PDE11A: variants seen among roughly 807,000 people sequenced by gnomAD.
PDE11A encodes the protein phosphodiesterase 11A.
Under a neutral mutation model 100.5 loss-of-function variants are expected in PDE11A, and 100 were observed. That is an observed-to-expected ratio of 1.00 (90% CI 0.85 to 1.18). The LOEUF (loss-of-function observed/expected upper bound fraction) is 1.18, where lower values mean the gene tolerates loss of function less well. Among genes scored for constraint, PDE11A ranks in the 50% most tolerant of loss-of-function variants. The pLI, the probability that PDE11A is intolerant of heterozygous loss-of-function variation, is 0.00. For synonymous variants in PDE11A, 381 were observed against 420.8 expected (o/e 0.91, Z 1.16); for missense variants, 1,141 against 1,152.6 (o/e 0.99, Z 0.15).
chr2:177,837,469 T>C (rs1462348757), intron 6 of PDE11A, among the ~76,000 whole-genome samples: 2 of 146,384 alleles, frequency 1.4e-5, no homozygotes, highest in African/African-American at 2.7e-5. Flanking sequence ...GGGTACTTTC[T>C]TTCTTTCTTT....
chr2:178,075,213 T>C (rs984716218), upstream of PDE11A, among the ~76,000 whole-genome samples: 4 of 151,666 alleles, frequency 2.6e-5, no homozygotes, highest in Non-Finnish European at 4.4e-5. Context: ...GGAAAGAAGA[T>C]TGGATAGTGA....
At chr2:178,105,459 AAAAAACAAAAAC>A (rs202022030) in intron 1 of PDE11A, among the ~76,000 whole-genome samples, 1 of 152,066 alleles carries the variant, frequency 6.6e-6, no homozygotes. Context: ...ACTCCCTCTC[AAAAAACAAAAAC>A]AAAAACAAAA....
intron 10 of PDE11A, among the ~76,000 whole-genome samples, chr2:177,763,245 A>C (rs964257445): frequency 7.9e-5 from 12 of 152,114 alleles, no homozygotes; most frequent in African/African-American, 2.2e-4. Context: ...TAAAAAAAAA[A>C]CTCGGATATT....
intron 9 of PDE11A, among the ~76,000 whole-genome samples, chr2:177,787,783 G>A (rs1019976112): frequency 8.6e-5 from 13 of 152,022 alleles, no homozygotes; most frequent in East Asian, 1.9e-4. Flanking sequence ...GATCAAAAGC[G>A]ACAAAGAAGG....
At chr2:177,866,693 G>T (rs990782515) in intron 5 of PDE11A, among the ~76,000 whole-genome samples, 14 of 152,124 alleles carry the variant, frequency 9.2e-5, no homozygotes, top group African/African-American at 2.7e-4. Context: ...TATTGTATTC[G>T]CTTGTACTAA....
chr2:177,917,419 T>C (rs1213565379), intron 2 of PDE11A, among the ~76,000 whole-genome samples: 5 of 152,226 alleles, frequency 3.3e-5, no homozygotes, highest in African/African-American at 7.2e-5. Context: ...ATCCTTGCAA[T>C]GTGACAAGAA....
At chr2:177,996,505 G>A (rs1269484655) in intron 2 of PDE11A, among the ~76,000 whole-genome samples, 1 of 149,978 alleles carries the variant, frequency 6.7e-6, no homozygotes, top group Non-Finnish European at 1.5e-5. Flanking sequence ...ACACATATAC[G>A]CTTATGTATG....
chr2:178,016,690 C>T (rs1384119784), intron 1 of PDE11A, among the ~76,000 whole-genome samples: 1 of 152,124 alleles, frequency 6.6e-6, no homozygotes, highest in Non-Finnish European at 1.5e-5. Flanking sequence ...GCCGAGACTT[C>T]AATCATGAGT....
Position 177,719,060 on chromosome 2 carries a change from T to C in PDE11A, c.2044-7182A>G, listed in dbSNP as rs951286236. On this transcript the variant is annotated intron_variant, in intron 12 of 19. Coordinates refer to ENST00000286063, the MANE Select transcript of PDE11A (RefSeq NM_016953.4). ...AGAGAAGCTGTCATAACATTGGTTG[T>C]GCTTTGTGGAAGACAGAACTGGTAG... is the stretch of plus-strand genomic sequence containing the variant. 1.1e-4 allele frequency among the ~76,000 whole-genome samples: 16 copies of C among 152,312 alleles called. 1 individual carries two copies. The highest frequency in any genetic ancestry group is 9.2e-4 in the Admixed American group (14 of 15,294).
At chr2:177,964,592 A>G (rs2085675764) in intron 2 of PDE11A, among the ~76,000 whole-genome samples, 1 of 152,112 alleles carries the variant, frequency 6.6e-6, no homozygotes, top group Non-Finnish European at 1.5e-5. Flanking sequence ...CTTTGTGTCC[A>G]TATGTTCTCA....
intron 2 of PDE11A, among the ~76,000 whole-genome samples, chr2:178,001,973 T>C (rs568897847): frequency 1.3e-5 from 2 of 152,316 alleles, no homozygotes; most frequent in African/African-American, 4.8e-5. Context: ...CATGGGTATA[T>C]TGTGTGATGC....
rs750488991 is a variant in PDE11A at position 177,898,240 on chromosome 2, T to C, written c.1162-42A>G. Reference sequence around the variant, plus strand: ...AGATGTATATAAGTGGATGTAAAACTGAAAAAAAGTTGCTTTTCTTCTTAA... The same window carrying C: ...AGATGTATATAAGTGGATGTAAAACCGAAAAAAAGTTGCTTTTCTTCTTAA... On this transcript the variant is annotated intron_variant, in intron 3 of 19. Coordinates refer to ENST00000286063, the MANE Select transcript of PDE11A (RefSeq NM_016953.4). 8.4e-6 allele frequency: 12 copies of C among 1,428,638 alleles called. No homozygotes were observed. The South Asian group carries it at 1.3e-4, about 16-fold the overall frequency. The allele number at this position is 1,428,638 out of a possible 1,614,324, so 88.5% of individuals were successfully genotyped here.
At chr2:177,772,001 C>CAATA (rs57220935) in intron 9 of PDE11A, among the ~76,000 whole-genome samples, 26,503 of 149,170 alleles carry the variant, frequency 0.18, 2,624 homozygotes, top group African/African-American at 0.27. Flanking sequence ...GACTCTGTCT[C>CAATA]AATAAATAAA....
chr2:177,956,310 T>A (rs2085562044), intron 2 of PDE11A, among the ~76,000 whole-genome samples: 1 of 152,020 alleles, frequency 6.6e-6, no homozygotes, highest in African/African-American at 2.4e-5. Flanking sequence ...CATGAAAAAA[T>A]GCTCATCATC....
At position 177,876,310 on chromosome 2, in the gene PDE11A, C is replaced by T. The variant is rs113227838; in HGVS notation, c.1303-387G>A. Among the ~76,000 whole-genome samples, 188 of 123,430 alleles carry T rather than the reference C, an allele frequency of 1.5e-3. 7 individuals are homozygous for T. The highest frequency in any genetic ancestry group is 2.8e-3 in the Non-Finnish European group (159 of 57,590). 81.0% of individuals were successfully genotyped at this position (123,430 alleles called of 152,430 possible). ...GACAGAACACCCCTCAAAGAAGATG[C>T]CCTCTGTCAACCCCAGGCTCCTGAA... On this transcript the variant is annotated intron_variant, in intron 4 of 19. Coordinates refer to ENST00000286063, the MANE Select transcript of PDE11A (RefSeq NM_016953.4).
chr2:177,824,982 A>T (rs1399416794), intron 6 of PDE11A, among the ~76,000 whole-genome samples: 9 of 152,224 alleles, frequency 5.9e-5, no homozygotes, highest in African/African-American at 2.2e-4. Context: ...TAAATTTTAG[A>T]TAATAAACAC....
intron 12 of PDE11A, among the ~76,000 whole-genome samples, 199 bp from the exon 13 acceptor site, chr2:177,712,077 T>C (rs1194824887): frequency 6.6e-6 from 1 of 152,238 alleles, no homozygotes; most frequent in Non-Finnish European, 1.5e-5. Context: ...TAGCTTGCTG[T>C]CACAGCAGCC....
intron 19 of PDE11A, among the ~76,000 whole-genome samples, chr2:177,662,453 C>T (rs1004619598): frequency 2.6e-5 from 4 of 152,286 alleles, no homozygotes; most frequent in African/African-American, 9.6e-5. Flanking sequence ...AACTGAATAA[C>T]ATTAAAAAGT....
At chr2:178,071,334 G>C (rs1435481399) in intron 1 of PDE11A, among the ~76,000 whole-genome samples, 192 bp downstream of exon 1, 1 of 152,168 alleles carries the variant, frequency 6.6e-6, no homozygotes, top group African/African-American at 2.4e-5. Flanking sequence ...AAGCCATTGG[G>C]TGTTAAGAAA....
Sources: gnomAD v4.1 joint callset for allele counts (sites outside exome capture counted in the v4.1 genomes callset) on GRCh38, gnomAD v4.1.1 for gene constraint, MANE v1.5 for transcripts, NCBI Gene and HGNC (gene_info 2026-07-23, HGNC 2026-07-21) for gene names.